CAMK4: variants seen among roughly 807,000 people sequenced by gnomAD.
CAMK4 encodes calcium/calmodulin-dependent protein kinase type IV.
In CAMK4, 22 loss-of-function variants were observed where a neutral mutation model predicts 44.9. The observed-to-expected ratio is 0.49, with a 90% confidence interval of 0.35 to 0.70. The LOEUF (loss-of-function observed/expected upper bound fraction) is 0.70, where lower values mean the gene tolerates loss of function less well. Ranked by LOEUF, CAMK4 falls within the 30% of genes least tolerant of loss-of-function variation. The pLI is 0.01. For missense variants in CAMK4, 498 were observed against 586.8 expected, an observed-to-expected ratio of 0.85 and a Z score of 1.56; for synonymous variants, 218 against 215.4, an observed-to-expected ratio of 1.01 and a Z score of -0.11.
Position 111,334,959 on chromosome 5 carries a change from G to C in CAMK4, c.162-9065G>C, listed in dbSNP as rs936295835. Among the ~76,000 whole-genome samples the C allele has an allele frequency of 2.6e-5, 4 of 151,144 alleles. No individual in the cohort carries two copies. The South Asian group carries it at 8.4e-4, about 32-fold the overall frequency. Reference sequence around the variant, plus strand: ...AGATACCTCCCATTTAAAAAAAAAAGTGAAACTCTTTAATAGCTTACGTGA... The same window carrying C: ...AGATACCTCCCATTTAAAAAAAAAACTGAAACTCTTTAATAGCTTACGTGA... On this transcript the variant is annotated intron_variant, in intron 1 of 10. Transcript: ENST00000282356.
At position 111,266,162 on chromosome 5, in the gene CAMK4, TAGA is replaced by T. The variant is rs1008183936; in HGVS notation, c.161+41520_161+41522del. 1.7e-4 allele frequency: 26 copies of T among 150,222 alleles called. 1 individual carries two copies. Among genetic ancestry groups the T allele is most frequent in the Non-Finnish European group, 4.4e-5 (3 of 67,740 alleles). The allele number at this position is 150,222 out of a possible 1,614,324, so 9.3% of individuals were successfully genotyped here. On this transcript the variant is annotated intron_variant, in intron 1 of 10. Coordinates refer to ENST00000282356, the MANE Select transcript of CAMK4 (RefSeq NM_001744.6). The stretch of plus-strand genomic sequence containing the variant: ...TAGGACAGAATAAGGGTTTGAAAAG[TAGA>T]ATAGAAGGTTTCCTAAATAAATATA...
intron 10 of CAMK4, among the ~76,000 whole-genome samples, 167 bp from the exon 11 acceptor site, chr5:111,483,859 T>C (rs1454479374): frequency 6.6e-6 from 1 of 152,228 alleles, no homozygotes; most frequent in Admixed American, 6.5e-5. Flanking sequence ...GAGGTTTTAC[T>C]GTTCATTCTC....
Position 111,428,581 on chromosome 5 carries a change from C to A in CAMK4, c.460-18105C>A, listed in dbSNP as rs140711947. 2.8e-4 allele frequency among the ~76,000 whole-genome samples: 42 copies of A among 152,210 alleles called. No individual in the cohort carries two copies. In the East Asian group the frequency reaches 6.7e-3, roughly 24 times the overall value. On this transcript the variant is annotated intron_variant, in intron 5 of 10. Coordinates refer to ENST00000282356, the MANE Select transcript of CAMK4 (RefSeq NM_001744.6). ...GCAGAAATTCTGGAGCAGAAAAATGCAATTGGCATGTTGAAGAATGCATCA... is the reference window on the plus strand; with the variant it reads ...GCAGAAATTCTGGAGCAGAAAAATGAAATTGGCATGTTGAAGAATGCATCA...
At chr5:111,315,180 A>G (rs1269012520) in intron 1 of CAMK4, among the ~76,000 whole-genome samples, 1 of 152,104 alleles carries the variant, frequency 6.6e-6, no homozygotes, top group African/African-American at 2.4e-5. Flanking sequence ...ATTAATGAAA[A>G]GGTTTTATTT....
At position 111,356,759 on chromosome 5, in the gene CAMK4, G is replaced by C. The variant is rs182492654; in HGVS notation, c.240+12657G>C. 2.0e-4 allele frequency among the ~76,000 whole-genome samples: 30 copies of C among 152,198 alleles called. No homozygotes were observed. The East Asian group carries it at 5.4e-3, about 27-fold the overall frequency. The stretch of plus-strand genomic sequence containing the variant: ...TTGCCAGCACCATTTATTAAATAGG[G>C]AATCCTTTCCCCATTTCTTGTTTTT... On this transcript the variant is annotated intron_variant, in intron 2 of 10. Transcript: ENST00000282356.
chr5:111,241,881 A>G (rs1297178563), intron 1 of CAMK4, among the ~76,000 whole-genome samples: 2 of 152,208 alleles, frequency 1.3e-5, no homozygotes, highest in Non-Finnish European at 2.9e-5. Flanking sequence ...TGAGGGCTCA[A>G]AGGGAGGGCC....
In CAMK4 at chr5:111,337,402, T is replaced by G. The variant is rs180888989; in HGVS notation, c.162-6622T>G. Among the ~76,000 whole-genome samples, 141 of 151,266 alleles carry G rather than the reference T, an allele frequency of 9.3e-4. 2 individuals carry two copies. Among genetic ancestry groups the G allele is most frequent in the African/African-American group, 3.1e-3 (127 of 41,418 alleles). ...ACATACATAGGTCATATGATATGTT[T>G]AACTTTATAAAACATCGTCAAGCTG... On this transcript the variant is annotated intron_variant, in intron 1 of 10. Transcript: ENST00000282356.
intron 4 of CAMK4, among the ~76,000 whole-genome samples, chr5:111,380,744 A>C (rs576643142): frequency 1.2e-4 from 18 of 152,270 alleles, no homozygotes; most frequent in Non-Finnish European, 1.9e-4. Flanking sequence ...CCAATGCCAA[A>C]CATTATGTGT....
At chr5:111,429,992 A>C (rs1366233461) in intron 5 of CAMK4, among the ~76,000 whole-genome samples, 4 of 151,866 alleles carry the variant, frequency 2.6e-5, no homozygotes, top group Non-Finnish European at 5.9e-5. Context: ...CCCTGATACC[A>C]AAACCAGACA....
At chr5:111,332,146 T>C (rs1176865208) in intron 1 of CAMK4, among the ~76,000 whole-genome samples, 2 of 151,568 alleles carry the variant, frequency 1.3e-5, no homozygotes, top group African/African-American at 4.8e-5. Flanking sequence ...TAGTTACGTA[T>C]GTATACATGT....
Position 111,374,925 on chromosome 5 carries a change from T to A in CAMK4, c.303+13T>A. On this transcript the variant is annotated intron_variant, in intron 3 of 10. Coordinates refer to ENST00000282356, the MANE Select transcript of CAMK4 (RefSeq NM_001744.6). The stretch of plus-strand genomic sequence containing the variant: ...ACATCCAAACATTGTAAGTGGTTTT[T>A]AACCTACTATTTCAAATGATTGCCA... 6.4e-7 allele frequency: 1 copy of A among 1,571,018 alleles called. No individual in the cohort carries two copies. Among genetic ancestry groups the A allele is most frequent in the Non-Finnish European group, 8.8e-7 (1 of 1,141,514 alleles).
At chr5:111,270,708 A>C (rs1750473422) in intron 1 of CAMK4, among the ~76,000 whole-genome samples, 1 of 152,122 alleles carries the variant, frequency 6.6e-6, no homozygotes, top group Non-Finnish European at 1.5e-5. Flanking sequence ...TCTTCATGTC[A>C]CCAGCCTGAC....
chr5:111,382,799 C>T (rs890759394), intron 4 of CAMK4, among the ~76,000 whole-genome samples: 2 of 152,142 alleles, frequency 1.3e-5, no homozygotes, highest in African/African-American at 4.8e-5. Context: ...GCTACCATGT[C>T]ATGCTGCTGC....
chr5:111,397,690 T>C (rs1299097477), intron 5 of CAMK4, among the ~76,000 whole-genome samples: 7 of 98,558 alleles, frequency 7.1e-5, no homozygotes, highest in African/African-American at 1.9e-4. Context: ...TGTGTGTGTG[T>C]GTTTGCAGTT....
intron 5 of CAMK4, among the ~76,000 whole-genome samples, chr5:111,400,967 T>C (rs934938718): frequency 1.3e-5 from 2 of 152,144 alleles, no homozygotes; most frequent in African/African-American, 4.8e-5. Context: ...AGCTGAGTGT[T>C]TCTCTGTTTC....
chr5:111,329,728 C>A (rs1005990647), intron 1 of CAMK4, among the ~76,000 whole-genome samples: 1 of 151,592 alleles, frequency 6.6e-6, no homozygotes, highest in African/African-American at 2.4e-5. Flanking sequence ...GAGAAAAAAT[C>A]ATACAGTCAT....
chr5:111,419,270 G>A (rs539785368), intron 5 of CAMK4, among the ~76,000 whole-genome samples: 11 of 152,056 alleles, frequency 7.2e-5, no homozygotes, highest in Middle Eastern at 3.2e-3. Context: ...CAAATCCTTC[G>A]CCCACTTTTT....
intron 1 of CAMK4, among the ~76,000 whole-genome samples, chr5:111,314,701 A>C (rs918665792): frequency 6.6e-6 from 1 of 152,082 alleles, no homozygotes; most frequent in Non-Finnish European, 1.5e-5. Flanking sequence ...ATATGATTGA[A>C]AACCATTAAG....
rs76305687 is a variant in CAMK4 at position 111,413,783 on chromosome 5, G to A, written c.459+19001G>A. On this transcript the variant is annotated intron_variant, in intron 5 of 10. Coordinates refer to ENST00000282356, the MANE Select transcript of CAMK4 (RefSeq NM_001744.6). ...CAGAAAATATAGGTTCAAATATTTT[G>A]TAAAATCACTACCAATACGCTTAAA... Among the ~76,000 whole-genome samples the A allele has an allele frequency of 8.0e-3, 1,213 of 152,068 alleles. 14 individuals carry two copies. The highest frequency in any genetic ancestry group is 0.026 in the African/African-American group (1,066 of 41,504).
Sources: gnomAD v4.1 joint callset for allele counts (sites outside exome capture counted in the v4.1 genomes callset) on GRCh38, gnomAD v4.1.1 for gene constraint, MANE v1.5 for transcripts, NCBI Gene and HGNC (gene_info 2026-07-23, HGNC 2026-07-21) for gene names.